Variants in NR3C2 observed in about 807,000 individuals in gnomAD.
The protein encoded by NR3C2 is mineralocorticoid receptor.
In NR3C2, 15 loss-of-function variants were observed where a neutral mutation model predicts 86.4. The ratio of observed to expected loss-of-function variants is 0.17; its 90% CI spans 0.12 to 0.27. The LOEUF (loss-of-function observed/expected upper bound fraction) is 0.27, where lower values mean the gene tolerates loss of function less well. Among genes scored for constraint, NR3C2 ranks in the 10% least tolerant of loss-of-function variants. The probability of loss-of-function intolerance (pLI) is 1.00; values close to 1 mark genes in which losing one functional copy is unlikely to be tolerated. For missense variants in NR3C2, 960 were observed against 1,195.6 expected (o/e 0.80, Z 2.91); for synonymous variants, 458 against 450.5 (o/e 1.02, Z -0.21).
chr4:148,261,512 A>G (rs1182991265), intron 2 of NR3C2, among the ~76,000 whole-genome samples: 1 of 152,232 alleles, frequency 6.6e-6, no homozygotes, highest in African/African-American at 2.4e-5. Flanking sequence ...CTATGAATAA[A>G]GGAATTACAA....
intron 3 of NR3C2, among the ~76,000 whole-genome samples, chr4:148,241,332 AAGGG>A (rs1560995930): frequency 8.7e-5 from 11 of 126,686 alleles, no homozygotes; most frequent in Admixed American, 1.6e-4. Flanking sequence ...AAAAAAAAAA[AAGGG>A]GAAAAATAAA....
At chr4:148,106,888 A>C (rs1229727286) in intron 8 of NR3C2, among the ~76,000 whole-genome samples, 1 of 152,188 alleles carries the variant, frequency 6.6e-6, no homozygotes, top group Admixed American at 6.5e-5. Flanking sequence ...TAAACGTAAA[A>C]CCTAAAACCA....
At chr4:148,387,355 T>C (rs1747317325) in intron 2 of NR3C2, among the ~76,000 whole-genome samples, 1 of 152,286 alleles carries the variant, frequency 6.6e-6, no homozygotes, top group Non-Finnish European at 1.5e-5. Context: ...CAAAGCTACC[T>C]ACCTGCCCTG....
chr4:148,169,425 A>G (rs1162524611), intron 4 of NR3C2, among the ~76,000 whole-genome samples: 1 of 152,024 alleles, frequency 6.6e-6, no homozygotes, highest in Non-Finnish European at 1.5e-5. Context: ...AAGAAATTAG[A>G]AATTTGGGAA....
chr4:148,310,020 A>T (rs1227860653), intron 2 of NR3C2, among the ~76,000 whole-genome samples: 1 of 152,152 alleles, frequency 6.6e-6, no homozygotes, highest in Non-Finnish European at 1.5e-5. Flanking sequence ...ACAGGGCTTA[A>T]AAAAAACTAT....
chr4:148,240,197 T>C (rs937798450), intron 3 of NR3C2, among the ~76,000 whole-genome samples: 1 of 149,176 alleles, frequency 6.7e-6, no homozygotes, highest in Non-Finnish European at 1.5e-5. Context: ...ATGTAATCAG[T>C]ATAAAAATTA....
chr4:148,317,903 T>G (rs546825744), intron 2 of NR3C2, among the ~76,000 whole-genome samples: 2 of 152,042 alleles, frequency 1.3e-5, no homozygotes, highest in Admixed American at 6.6e-5. Flanking sequence ...ACTTTAAGTT[T>G]TAGGGTACAT....
intron 2 of NR3C2, among the ~76,000 whole-genome samples, chr4:148,312,639 TA>T (rs1742960274): frequency 6.6e-6 from 1 of 152,186 alleles, no homozygotes; most frequent in Admixed American, 6.5e-5. Flanking sequence ...AGTACAAAAC[TA>T]TATCTCATTT....
chr4:148,381,877 C>A (rs1747010638), intron 2 of NR3C2, among the ~76,000 whole-genome samples: 1 of 152,202 alleles, frequency 6.6e-6, no homozygotes. Context: ...TACCTTCACC[C>A]TCTATGCATC....
chr4:148,353,662 T>C (rs1383272075), intron 2 of NR3C2, among the ~76,000 whole-genome samples: 1 of 152,194 alleles, frequency 6.6e-6, no homozygotes, highest in East Asian at 1.9e-4. Flanking sequence ...TAGAAAACCA[T>C]ATTTTTAAGA....
intron 2 of NR3C2, among the ~76,000 whole-genome samples, chr4:148,365,042 A>G (rs4501202): frequency 0.2 from 29,745 of 152,030 alleles, 3,177 homozygotes; most frequent in Non-Finnish European, 0.24. Flanking sequence ...CCATGTGGAC[A>G]ATCTGTGGTT....
intron 2 of NR3C2, among the ~76,000 whole-genome samples, chr4:148,359,210 T>C (rs997046427): frequency 2.8e-4 from 42 of 152,190 alleles, no homozygotes; most frequent in African/African-American, 1.0e-3. Flanking sequence ...TCCTTAGAAC[T>C]ACACCCAACA....
chr4:148,444,576 GACTCCCGCCGCC>G, upstream of NR3C2: 2 of 988,374 alleles, frequency 2.0e-6, no homozygotes, highest in Non-Finnish European at 2.4e-6. Flanking sequence ...GGAACGGCTA[GACTCCCGCCGCC>G]GCTGCTGCCG....
At chr4:148,127,107 T>C (rs912285050) in intron 6 of NR3C2, among the ~76,000 whole-genome samples, 8 of 152,216 alleles carry the variant, frequency 5.3e-5, no homozygotes, top group African/African-American at 1.4e-4. Context: ...GCTGTTTCCA[T>C]TGCATGAAAT....
chr4:148,412,995 C>T (rs1560719044), intron 2 of NR3C2, among the ~76,000 whole-genome samples: 1 of 152,196 alleles, frequency 6.6e-6, no homozygotes, highest in East Asian at 1.9e-4. Context: ...TTTAAGACAG[C>T]AATCTCAATC....
At chr4:148,295,156 T>A (rs1241479651) in intron 2 of NR3C2, among the ~76,000 whole-genome samples, 1 of 152,168 alleles carries the variant, frequency 6.6e-6, no homozygotes, top group Non-Finnish European at 1.5e-5. Flanking sequence ...GGATTTTGTA[T>A]TTTGCCTGAT....
intron 2 of NR3C2, among the ~76,000 whole-genome samples, chr4:148,349,875 C>G (rs1156336327): frequency 6.6e-6 from 1 of 151,846 alleles, no homozygotes; most frequent in Non-Finnish European, 1.5e-5. Context: ...TTTACCGCTC[C>G]CAAGGTAATG....
chr4:148,361,338 C>T (rs778723125), intron 2 of NR3C2, among the ~76,000 whole-genome samples: 12 of 152,156 alleles, frequency 7.9e-5, no homozygotes, highest in Non-Finnish European at 1.5e-4. Context: ...CTCTAGGCTA[C>T]GATATTCTTT....
rs1189656201 is a variant in NR3C2 at position 148,130,834 on chromosome 4, T to G, written c.2511-10546A>C. ...GTTTTGTTTTGTTTTTTTTTTTTTTTTTTTTTTGAGACAGAGTCTCGCTCT... is the reference window on the plus strand; with the variant it reads ...GTTTTGTTTTGTTTTTTTTTTTTTTGTTTTTTTGAGACAGAGTCTCGCTCT... On this transcript the variant is annotated intron_variant, in intron 6 of 8. Coordinates refer to ENST00000358102, the MANE Select transcript of NR3C2 (RefSeq NM_000901.5). Among the ~76,000 whole-genome samples, 159 of 130,268 alleles carry G rather than the reference T, an allele frequency of 1.2e-3. 2 individuals are homozygous for G. The highest frequency in any genetic ancestry group is 3.8e-3 in the Middle Eastern group (1 of 264). The allele number at this position is 130,268 out of a possible 152,430, so 85.5% of individuals were successfully genotyped here. A position where few individuals can be genotyped will look rare whatever the true frequency, so the allele number is the denominator to read the frequency against.
Sources: allele counts gnomAD v4.1 joint callset (sites outside exome capture counted in the v4.1 genomes callset), GRCh38; gene constraint gnomAD v4.1.1; transcripts MANE v1.5; gene names NCBI Gene and HGNC (gene_info 2026-07-23, HGNC 2026-07-21).